CTPS2: variants seen among roughly 807,000 people sequenced by gnomAD.
The protein encoded by CTPS2 is CTP synthase 2.
In CTPS2, 19 loss-of-function variants were observed where a neutral mutation model predicts 46.8. The ratio of observed to expected loss-of-function variants is 0.41; its 90% confidence interval spans 0.28 to 0.60. The LOEUF (loss-of-function observed/expected upper bound fraction) is 0.60. Among genes scored for constraint, CTPS2 ranks in the 20% least tolerant of loss-of-function variants. The pLI is 0.35. For missense variants in CTPS2, 286 were observed against 447.6 expected, an observed-to-expected ratio of 0.64 and a Z score of 3.26; for synonymous variants, 151 against 165.2, an observed-to-expected ratio of 0.91 and a Z score of 0.66.
chrX:16,627,261 G>A (rs531771535), intron 14 of CTPS2, among the ~76,000 whole-genome samples: 6 of 111,875 alleles, frequency 5.4e-5, no homozygotes, highest in Admixed American at 9.5e-5. Context: ...GAGCCCTCTC[G>A]TATGTGCAAG....
intron 14 of CTPS2, among the ~76,000 whole-genome samples, chrX:16,634,275 C>T (rs1254367853): frequency 9.0e-6 from 1 of 111,578 alleles, no homozygotes; most frequent in Non-Finnish European, 1.9e-5. Context: ...TTATGGGGCA[C>T]ATAGTGATAT....
At chrX:16,698,171 A>C in intron 4 of CTPS2, 65 bp downstream of exon 4, 1 of 839,148 alleles carries the variant, frequency 1.2e-6, no homozygotes. Flanking sequence ...TTTGTCAAAT[A>C]AATGAAGATC....
chrX:16,631,808 G>C (rs1220111983), intron 14 of CTPS2, among the ~76,000 whole-genome samples: 2 of 111,679 alleles, frequency 1.8e-5, no homozygotes, highest in Non-Finnish European at 3.8e-5. Flanking sequence ...TCTGAACCTT[G>C]TCTGAATTTC....
chrX:16,640,934 C>A (rs1253974529), intron 13 of CTPS2, among the ~76,000 whole-genome samples: 1 of 111,998 alleles, frequency 8.9e-6, no homozygotes, highest in Non-Finnish European at 1.9e-5. Context: ...CAAGCTTGCT[C>A]CAAGAGTTAC....
chrX:16,680,152 C>CT (rs1410063580), intron 9 of CTPS2, among the ~76,000 whole-genome samples: 1 of 111,595 alleles, frequency 9.0e-6, no homozygotes, highest in Non-Finnish European at 1.9e-5. Context: ...TCAAACAGTA[C>CT]TTAGGAGAAG....
At chrX:16,711,499 A>G (rs1200120106) in intron 1 of CTPS2, 1 of 111,136 alleles carries the variant, frequency 9.0e-6, no homozygotes, top group Non-Finnish European at 1.9e-5. Context: ...TGTTAGACAC[A>G]AAAGAGTACT....
chrX:16,651,913 A>G (rs113593054), intron 13 of CTPS2, among the ~76,000 whole-genome samples: 2,499 of 110,742 alleles, frequency 0.023, 69 homozygotes, highest in African/African-American at 0.078. Flanking sequence ...CAGGAGGGCC[A>G]TGGCGACCCA....
chrX:16,672,881 C>CTTTTTTT lies in CTPS2; in HGVS notation c.1095-2214_1095-2208dup, dbSNP rs1185799196. Among the ~76,000 whole-genome samples, 133 of 69,562 alleles carry CTTTTTTT rather than the reference C, an allele frequency of 1.9e-3. 9 individuals are homozygous for CTTTTTTT. The highest frequency in any genetic ancestry group is 8.6e-3 in the African/African-American group (127 of 14,840). The allele number at this position is 69,562 out of a possible 115,157, so 60.4% of individuals were successfully genotyped here. On this transcript the variant is annotated intron_variant, in intron 10 of 18. Coordinates refer to ENST00000359276, the MANE Select transcript of CTPS2 (RefSeq NM_175859.3). ...GGTAAAAAGGATTTGTGAGGCTACT[C>CTTTTTTT]TTTTTTTTTTTTTTTTTTTTTTTGA...
intron 8 of CTPS2, among the ~76,000 whole-genome samples, chrX:16,687,474 C>CAAAAAAAAAAAAAAAAAAAAAAA (rs35798035): frequency 2.3e-5 from 1 of 44,405 alleles, no homozygotes. Flanking sequence ...CACCCTGTGT[C>CAAAAAAAAAAAAAAAAAAAAAAA]AAAAAAAAAA....
intron 13 of CTPS2, among the ~76,000 whole-genome samples, chrX:16,655,160 C>T (rs139225322): frequency 2.6e-4 from 29 of 111,976 alleles, no homozygotes; most frequent in African/African-American, 7.5e-4. Flanking sequence ...AGACAGTTGA[C>T]GTCATGCTAT....
At chrX:16,697,495 A>T (rs1404167037) in intron 4 of CTPS2, among the ~76,000 whole-genome samples, 1 of 99,292 alleles carries the variant, frequency 1.0e-5, no homozygotes, top group Admixed American at 1.2e-4. Flanking sequence ...ACCCAGGCTG[A>T]AGTGCTGGTG....
chrX:16,593,185 G>T (rs111268866), intron 17 of CTPS2, among the ~76,000 whole-genome samples: 210 of 111,716 alleles, frequency 1.9e-3, no homozygotes, highest in African/African-American at 5.9e-3. Flanking sequence ...ATCCCAGCAC[G>T]TTGGGAGGCC....
In CTPS2 at chrX:16,698,953, G is replaced by A. The variant is rs767434269; in HGVS notation, c.307C>T (p.Arg103Cys). The A allele has an allele frequency of 7.5e-6, 9 of 1,200,585 alleles. No individual in the cohort carries two copies. In the East Asian group the frequency reaches 1.5e-4, roughly 20 times the overall value. Residue 103 changes from arginine to cysteine, a missense_variant, in exon 3 of 19, where the codon CGT becomes TGT. Arg to Cys is a radical substitution (Grantham distance 180). Transcript: ENST00000359276. Reference protein sequence around the residue: ...IYQHVINKERRGDYLGKTVQV... With the variant: ...IYQHVINKERCGDYLGKTVQV... ...ACTGTTTTCCCCAGGTAATCACCAC[G>A]CCTCTCTTTATTGATCACATGCTGA...
At chrX:16,641,485 C>T (rs1194744493) in intron 13 of CTPS2, among the ~76,000 whole-genome samples, 13 of 112,674 alleles carry the variant, frequency 1.2e-4, no homozygotes, top group Non-Finnish European at 2.1e-4. Context: ...CAGTGGCTCA[C>T]GCCTGCAATC....
intron 13 of CTPS2, among the ~76,000 whole-genome samples, chrX:16,647,821 C>G (rs1932399794): frequency 9.0e-6 from 1 of 111,528 alleles, no homozygotes; most frequent in Non-Finnish European, 1.9e-5. Context: ...GTGGCTCACG[C>G]CTGTAATCCC....
chrX:16,639,004 G>T (rs773320734), intron 14 of CTPS2, 143 bp downstream of exon 14: 2 of 552,323 alleles, frequency 3.6e-6, no homozygotes, highest in Non-Finnish European at 6.6e-6. Context: ...GTGAGGGCAG[G>T]GGAGATGGGA....
intron 10 of CTPS2, among the ~76,000 whole-genome samples, chrX:16,675,221 T>G (rs1183771360): frequency 9.3e-6 from 1 of 107,720 alleles, no homozygotes; most frequent in Admixed American, 1.0e-4. Flanking sequence ...TGAGCCAAGA[T>G]TACACCACTG....
At chrX:16,641,117 G>A (rs1932057969) in intron 13 of CTPS2, among the ~76,000 whole-genome samples, 1 of 111,905 alleles carries the variant, frequency 8.9e-6, no homozygotes, top group South Asian at 3.8e-4. Context: ...GGCCGATGAA[G>A]CTGAGTTGCA....
intron 17 of CTPS2, among the ~76,000 whole-genome samples, chrX:16,602,314 A>G (rs1483441727): frequency 9.1e-6 from 1 of 110,303 alleles, no homozygotes; most frequent in Non-Finnish European, 1.9e-5. Context: ...AAGAAAGTCT[A>G]TGGATGCAGG....
Sources: gnomAD v4.1 joint callset for allele counts (sites outside exome capture counted in the v4.1 genomes callset) on GRCh38, gnomAD v4.1.1 for gene constraint, MANE v1.5 for transcripts, NCBI Gene and HGNC (gene_info 2026-07-23, HGNC 2026-07-21) for gene names.